GRIN2B: variants seen among roughly 807,000 people sequenced by gnomAD.
GRIN2B encodes glutamate ionotropic receptor NMDA type subunit 2B.
Under a neutral mutation model 114.5 loss-of-function variants are expected in GRIN2B, and 5 were observed. The ratio of observed to expected loss-of-function variants is 0.04; its 90% CI spans 0.02 to 0.09. GRIN2B has a LOEUF of 0.09. Among genes scored for constraint, GRIN2B ranks in the 10% least tolerant of loss-of-function variants. The pLI, the probability that GRIN2B is intolerant of heterozygous loss-of-function variation, is 1.00. For missense variants in GRIN2B, 1,108 were observed against 1,943.5 expected (o/e 0.57, Z 8.08); for synonymous variants, 787 against 745.1 (o/e 1.06, Z -0.92).
At chr12:13,666,545 T>A (rs1949977852) in intron 5 of GRIN2B, among the ~76,000 whole-genome samples, 1 of 152,218 alleles carries the variant, frequency 6.6e-6, no homozygotes, top group Non-Finnish European at 1.5e-5. Context: ...GTTCATGGTT[T>A]TTATTAAGAG....
chr12:13,896,283 G>A (rs114946805), intron 2 of GRIN2B, among the ~76,000 whole-genome samples: 56 of 152,254 alleles, frequency 3.7e-4, no homozygotes, highest in Non-Finnish European at 4.0e-4. Flanking sequence ...CTGACAAAGC[G>A]AAGGTGCAGG....
At chr12:13,579,970 C>T (rs1361031076) in intron 10 of GRIN2B, among the ~76,000 whole-genome samples, 8 of 152,232 alleles carry the variant, frequency 5.3e-5, no homozygotes, top group African/African-American at 1.9e-4. Flanking sequence ...GAGGAACTCT[C>T]TGCTTTAAGA....
intron 2 of GRIN2B, among the ~76,000 whole-genome samples, chr12:13,933,370 G>A (rs539572864): frequency 1.6e-4 from 25 of 152,220 alleles, no homozygotes; most frequent in African/African-American, 3.4e-4. Context: ...ATATATCTCC[G>A]TTTTGGTCAC....
At chr12:13,668,666 C>T (rs1333028829) in intron 5 of GRIN2B, among the ~76,000 whole-genome samples, 3 of 152,038 alleles carry the variant, frequency 2.0e-5, no homozygotes, top group Non-Finnish European at 2.9e-5. Context: ...GTAAGTAAAA[C>T]ACACATTAAT....
rs374858743 is a variant in GRIN2B at position 13,564,015 on chromosome 12, C to T, written c.3223G>A (p.Gly1075Ser). 6.2e-7 allele frequency: 1 copy of T among 1,614,146 alleles called. No homozygotes were observed. Among genetic ancestry groups the T allele is most frequent in the Non-Finnish European group, 8.5e-7 (1 of 1,180,064 alleles). ...THTVTYGNIE[G>S]NAAKRRKQQY... Reference sequence around the variant, plus strand: ...TGCTTACGCCTCTTGGCGGCATTGCCCTCGATGTTCCCATAGGTGACGGTG... The same window carrying T: ...TGCTTACGCCTCTTGGCGGCATTGCTCTCGATGTTCCCATAGGTGACGGTG... The change falls in exon 14 of 14, where the codon GGC (glycine) becomes AGC (serine). Residue 1075 changes from glycine (G) to serine (S), a missense_variant. Gly to Ser is a moderately conservative substitution (Grantham distance 56). Coordinates refer to ENST00000609686, the MANE Select transcript of GRIN2B (RefSeq NM_000834.5). This position sits in a 1 kb window ranked among gnomAD's most constrained non-coding sequence, Gnocchi z 4.8.
intron 5 of GRIN2B, 58 bp from the exon 6 acceptor site, chr12:13,616,715 T>C: frequency 7.4e-7 from 1 of 1,351,358 alleles, no homozygotes. Flanking sequence ...ACAAACAGCC[T>C]GTCCCAGTAT....
At chr12:13,881,340 C>A (rs755754900) in intron 2 of GRIN2B, among the ~76,000 whole-genome samples, 2 of 152,186 alleles carry the variant, frequency 1.3e-5, no homozygotes, top group African/African-American at 2.4e-5. Context: ...CGGTCTCCTT[C>A]GGCACCTCTT....
chr12:13,919,011 T>C (rs907972289), intron 2 of GRIN2B, among the ~76,000 whole-genome samples: 1 of 152,206 alleles, frequency 6.6e-6, no homozygotes, highest in East Asian at 1.9e-4. Flanking sequence ...AATAGAGACT[T>C]CTAACTCCAG....
At chr12:13,894,014 C>A (rs1218624848) in intron 2 of GRIN2B, among the ~76,000 whole-genome samples, 1 of 151,944 alleles carries the variant, frequency 6.6e-6, no homozygotes, top group Non-Finnish European at 1.5e-5. Context: ...AAAAACACAG[C>A]GGTGGAGTGT....
At position 13,974,518 on chromosome 12, in the gene GRIN2B, C is replaced by T. The variant is rs146135604; in HGVS notation, c.-19+5410G>A. The stretch of plus-strand genomic sequence containing the variant: ...GATGCAAGGAAGAGCGGGAGGCTTG[C>T]CTTTTACACCAACTTTCCTCTTCAT... On this transcript the variant is annotated intron_variant, in intron 2 of 13. Transcript: ENST00000609686. Among the ~76,000 whole-genome samples the T allele has an allele frequency of 1.7e-4, 26 of 152,106 alleles. 1 individual carries two copies. In the East Asian group the frequency reaches 4.8e-3, roughly 28 times the overall value.
chr12:13,698,734 G>C (rs1459928541), intron 4 of GRIN2B, among the ~76,000 whole-genome samples: 2 of 152,134 alleles, frequency 1.3e-5, no homozygotes, highest in African/African-American at 4.8e-5. Context: ...CCATGCTGCA[G>C]TGCAGTGGCA....
In GRIN2B at chr12:13,876,778, TC is replaced by T. The variant is rs145337576; in HGVS notation, c.-18-10553del. Among the ~76,000 whole-genome samples the T allele has an allele frequency of 2.1e-3, 318 of 152,286 alleles. 9 individuals carry two copies. The East Asian group carries it at 0.041, about 19-fold the overall frequency. Reference sequence around the variant, plus strand: ...CTGCTTTTGCTAGTAACAAGGCTTTTCTTGCAAACCCTAATGAAATGAGGCA... The same window carrying T: ...CTGCTTTTGCTAGTAACAAGGCTTTTTTGCAAACCCTAATGAAATGAGGCA... On this transcript the variant is annotated intron_variant, in intron 2 of 13. Transcript: ENST00000609686.
intron 3 of GRIN2B, among the ~76,000 whole-genome samples, chr12:13,817,842 GTCTACC>G (rs1361107458): frequency 6.6e-6 from 1 of 152,174 alleles, no homozygotes; most frequent in Non-Finnish European, 1.5e-5. Context: ...AAATTCTCCT[GTCTACC>G]TTGCTGAGTA....
chr12:13,831,287 T>C (rs1016476067), intron 3 of GRIN2B, among the ~76,000 whole-genome samples: 8 of 152,232 alleles, frequency 5.3e-5, no homozygotes, highest in African/African-American at 1.9e-4. Context: ...TACTCCTTTA[T>C]AGCAACATAA....
chr12:13,847,614 T>G (rs1865491957), intron 3 of GRIN2B, among the ~76,000 whole-genome samples: 1 of 150,552 alleles, frequency 6.6e-6, no homozygotes, highest in Non-Finnish European at 1.5e-5. Context: ...TCACAGGAGA[T>G]GGGGGGGAGG....
chr12:13,756,333 G>A (rs909578760), intron 3 of GRIN2B, among the ~76,000 whole-genome samples: 4 of 152,242 alleles, frequency 2.6e-5, no homozygotes, highest in African/African-American at 9.6e-5. Context: ...TTCTTTATAA[G>A]TTACTCAGTT....
At chr12:13,766,944 T>G (rs554370789) in intron 3 of GRIN2B, among the ~76,000 whole-genome samples, 1 of 152,128 alleles carries the variant, frequency 6.6e-6, no homozygotes, top group Non-Finnish European at 1.5e-5. Flanking sequence ...CAAATTTAAA[T>G]CCAAGCAACT....
At chr12:13,789,080 T>C (rs1381771414) in intron 3 of GRIN2B, among the ~76,000 whole-genome samples, 1 of 151,814 alleles carries the variant, frequency 6.6e-6, no homozygotes, top group Admixed American at 6.6e-5. Flanking sequence ...TTGTTGTTTT[T>C]TTTCCTATAC....
Position 13,548,971 on chromosome 12 carries a change from T to G in GRIN2B, c.*13812A>C, listed in dbSNP as rs1565445451. 6.6e-6 allele frequency: 1 copy of G among 151,070 alleles called. No homozygotes were observed. The highest frequency in any genetic ancestry group is 1.5e-5 in the Non-Finnish European group (1 of 67,814). The allele number at this position is 151,070 out of a possible 1,614,324, so 9.4% of individuals were successfully genotyped here. A position where few individuals can be genotyped will look rare whatever the true frequency, so the allele number is the denominator to read the frequency against. On this transcript the variant is annotated 3_prime_UTR_variant, in exon 14 of 14. Coordinates refer to ENST00000609686, the MANE Select transcript of GRIN2B (RefSeq NM_000834.5). ...GACTTTTCCATCTTCCTACCTCCTC[T>G]CCTATCTTCCCTCTAGGGCTAGGAA...
Sources: allele counts gnomAD v4.1 joint callset (sites outside exome capture counted in the v4.1 genomes callset), GRCh38; gene constraint gnomAD v4.1.1; non-coding constraint Gnocchi (gnomAD v3.1); transcripts MANE v1.5; gene names NCBI Gene and HGNC (gene_info 2026-07-23, HGNC 2026-07-21).